The following SYT1 variants were observed in gnomAD, a reference collection of about 807,000 sequenced individuals.
SYT1 encodes synaptotagmin-1.
Under a neutral mutation model 44.8 loss-of-function variants are expected in SYT1, and 8 were observed. That is an observed-to-expected ratio of 0.18 (90% CI 0.10 to 0.32). The LOEUF is 0.32. SYT1 is among the 10% of genes least tolerant of loss of function. The pLI is 1.00. For synonymous variants in SYT1, 154 were observed against 188.8 expected (o/e 0.82, Z 1.51); for missense variants, 286 against 509.3 (o/e 0.56, Z 4.22).
intron 3 of SYT1, among the ~76,000 whole-genome samples, chr12:79,070,801 T>C (rs1485952362): frequency 6.6e-6 from 1 of 152,120 alleles, no homozygotes; most frequent in Non-Finnish European, 1.5e-5. Context: ...ACAGATCATT[T>C]ATTCTCGAAA....
chr12:79,020,851 G>A (rs1015284322), intron 2 of SYT1, among the ~76,000 whole-genome samples: 1 of 151,812 alleles, frequency 6.6e-6, no homozygotes, highest in Non-Finnish European at 1.5e-5. Context: ...CCTAATGGGT[G>A]GTAAAGTAAA....
At chr12:78,975,234 T>C (rs759214336) in intron 1 of SYT1, among the ~76,000 whole-genome samples, 1 of 151,992 alleles carries the variant, frequency 6.6e-6, no homozygotes, top group Non-Finnish European at 1.5e-5. Flanking sequence ...TACCTATCCT[T>C]TGGGAACTTA....
At chr12:78,877,869 T>A (rs1251747915) in intron 1 of SYT1, among the ~76,000 whole-genome samples, 1 of 151,722 alleles carries the variant, frequency 6.6e-6, no homozygotes, top group East Asian at 1.9e-4. Context: ...GTTGAAGAGA[T>A]CTCCCTGATT....
At chr12:79,020,115 C>T (rs1277879315) in intron 2 of SYT1, among the ~76,000 whole-genome samples, 2 of 151,960 alleles carry the variant, frequency 1.3e-5, no homozygotes, top group Non-Finnish European at 2.9e-5. Context: ...GTATTAACAG[C>T]TTTTGTGACC....
chr12:79,014,124 AAAAAAAAAAAAAAAG>A lies in SYT1; in HGVS notation c.-83-33154_-83-33140del, dbSNP rs1385543170. Among the ~76,000 whole-genome samples the A allele has an allele frequency of 5.6e-3, 722 of 128,512 alleles. 8 individuals carry two copies. The highest frequency in any genetic ancestry group is 0.018 in the African/African-American group (627 of 34,108). 84.3% of individuals were successfully genotyped at this position (128,512 alleles called of 152,430 possible). On this transcript the variant is annotated intron_variant, in intron 2 of 10. Coordinates refer to ENST00000261205, the MANE Select transcript of SYT1 (RefSeq NM_005639.3). The stretch of plus-strand genomic sequence containing the variant: ...TGGCAACAGAGTGAGACTCTCTCCA[AAAAAAAAAAAAAAAG>A]AAAAAAAAAAAAAAGAAAGAAAAAG...
intron 1 of SYT1, among the ~76,000 whole-genome samples, chr12:78,875,515 A>G (rs1336122721): frequency 6.6e-6 from 1 of 151,732 alleles, no homozygotes; most frequent in Non-Finnish European, 1.5e-5. Context: ...CTGGGGTCAA[A>G]TGAAGCAACC....
chr12:79,191,683 T>C (rs1478192147), intron 3 of SYT1, among the ~76,000 whole-genome samples: 1 of 152,142 alleles, frequency 6.6e-6, no homozygotes, highest in Non-Finnish European at 1.5e-5. Context: ...ACTTCAAAAA[T>C]GCATGGTTAG....
At position 79,161,374 on chromosome 12, in the gene SYT1, G is replaced by C. The variant is rs188539937; in HGVS notation, c.-17-56129G>C. ...AGTACAGTCACATGCTAGGTTTGTAGCCTAGGAGAAAAAGGCTACACCATA... is the reference window on the plus strand; with the variant it reads ...AGTACAGTCACATGCTAGGTTTGTACCCTAGGAGAAAAAGGCTACACCATA... On this transcript the variant is annotated intron_variant, in intron 3 of 10. Coordinates refer to ENST00000261205, the MANE Select transcript of SYT1 (RefSeq NM_005639.3). Among the ~76,000 whole-genome samples the C allele has an allele frequency of 3.3e-5, 5 of 152,172 alleles. 1 individual carries two copies. The East Asian group carries it at 9.7e-4, about 30-fold the overall frequency.
chr12:79,257,014 GTC>G, intron 4 of SYT1, among the ~76,000 whole-genome samples: 1 of 152,308 alleles, frequency 6.6e-6, no homozygotes, highest in East Asian at 1.9e-4. Flanking sequence ...TGATAAGAGA[GTC>G]TCTGTGTGTT....
At chr12:79,066,628 A>T (rs144316500) in intron 3 of SYT1, among the ~76,000 whole-genome samples, 1 of 152,166 alleles carries the variant, frequency 6.6e-6, no homozygotes, top group Admixed American at 6.5e-5. Context: ...CTAATATTCA[A>T]TTTACAAATG....
intron 3 of SYT1, among the ~76,000 whole-genome samples, chr12:79,105,686 C>T (rs1029537088): frequency 2.0e-5 from 3 of 152,124 alleles, no homozygotes; most frequent in African/African-American, 7.2e-5. Context: ...CGAGACCATC[C>T]TGGCTAACAC....
rs543066040 is a variant in SYT1, at chr12:78,897,714, A to G, written c.-217+32605A>G. 2.6e-5 allele frequency among the ~76,000 whole-genome samples: 4 copies of G among 152,216 alleles called. No homozygotes were observed. In the East Asian group the frequency reaches 7.7e-4, roughly 29 times the overall value. On this transcript the variant is annotated intron_variant, in intron 1 of 10. Transcript: ENST00000261205. ...TCTACCATTTCAAATGCTCATCAAA[A>G]TCACAATTAACCTATTGATAAGTTT...
intron 1 of SYT1, among the ~76,000 whole-genome samples, chr12:78,869,656 C>A (rs1873717501): frequency 6.6e-6 from 1 of 151,808 alleles, no homozygotes; most frequent in African/African-American, 2.4e-5. Flanking sequence ...GAAATTAAAA[C>A]CTACATTAAA....
chr12:78,959,212 A>G (rs1346169736), intron 1 of SYT1, among the ~76,000 whole-genome samples: 1 of 152,178 alleles, frequency 6.6e-6, no homozygotes, highest in Non-Finnish European at 1.5e-5. Flanking sequence ...TTAAAAAAAT[A>G]CAGCATGTAT....
chr12:78,919,728 A>G (rs1370424207), intron 1 of SYT1, among the ~76,000 whole-genome samples: 16 of 152,036 alleles, frequency 1.1e-4, no homozygotes, highest in Admixed American at 1.1e-3. Flanking sequence ...TTGGATGCTA[A>G]GTAGTGGCAA....
chr12:79,057,949 T>G (rs995790552), intron 3 of SYT1, among the ~76,000 whole-genome samples: 34 of 152,070 alleles, frequency 2.2e-4, no homozygotes, highest in Admixed American at 7.9e-4. Flanking sequence ...AATACCATTT[T>G]ATTACAGAAT....
chr12:79,238,392 G>T (rs1039906929), intron 4 of SYT1, among the ~76,000 whole-genome samples: 4 of 152,140 alleles, frequency 2.6e-5, no homozygotes, highest in African/African-American at 9.7e-5. Flanking sequence ...AGAAGATTAT[G>T]CCTGAAAAGA....
At position 79,249,088 on chromosome 12, in the gene SYT1, C is replaced by CTTT. The variant is rs58983623; in HGVS notation, c.166+31428_166+31430dup. 2.8e-3 allele frequency among the ~76,000 whole-genome samples: 200 copies of CTTT among 71,790 alleles called. 40 individuals carry two copies. The highest frequency in any genetic ancestry group is 0.011 in the African/African-American group (186 of 16,192). 47.1% of individuals were successfully genotyped at this position (71,790 alleles called of 152,430 possible). ...TATTCCCTCTTCTCTTTACCTCTTT[C>CTTT]TTTTTTTTTTTTTTTTTTTTTTTTT... On this transcript the variant is annotated intron_variant, in intron 4 of 10. Coordinates refer to ENST00000261205, the MANE Select transcript of SYT1 (RefSeq NM_005639.3).
chr12:79,301,464 A>G (rs1183689142), intron 8 of SYT1, among the ~76,000 whole-genome samples: 2 of 152,170 alleles, frequency 1.3e-5, no homozygotes, highest in Non-Finnish European at 2.9e-5. Flanking sequence ...CTAGGGGTTT[A>G]GGTAAACTGC....
Sources: allele counts gnomAD v4.1 joint callset (sites outside exome capture counted in the v4.1 genomes callset), GRCh38; gene constraint gnomAD v4.1.1; transcripts MANE v1.5; gene names NCBI Gene and HGNC (gene_info 2026-07-23, HGNC 2026-07-21).